The following SYMPK variants were observed in gnomAD, a reference collection of about 807,000 sequenced individuals.
The protein encoded by SYMPK is symplekin scaffold protein.
Under a neutral mutation model 136.4 loss-of-function variants are expected in SYMPK, and 49 were observed. The ratio of observed to expected loss-of-function variants is 0.36; its 90% CI spans 0.29 to 0.46. SYMPK has a LOEUF of 0.46. Among genes scored for constraint, SYMPK ranks in the 20% least tolerant of loss-of-function variants. The probability of loss-of-function intolerance (pLI) is 1.00; values close to 1 mark genes in which losing one functional copy is unlikely to be tolerated. For synonymous variants in SYMPK, 766 were observed against 713.0 expected (o/e 1.07, Z -1.19); for missense variants, 1,365 against 1,690.0 (o/e 0.81, Z 3.37).
At chr19:45,853,209 G>C (rs898082193) in intron 3 of SYMPK, among the ~76,000 whole-genome samples, 4 of 152,176 alleles carry the variant, frequency 2.6e-5, no homozygotes, top group African/African-American at 9.7e-5. Context: ...GGAGCCGAAC[G>C]GGTTCTCACA....
chr19:45,854,550 C>T, intron 1 of SYMPK, 43 bp from the exon 2 acceptor site: 2 of 1,541,706 alleles, frequency 1.3e-6, no homozygotes, highest in East Asian at 2.3e-5. Flanking sequence ...CTCAGGGAAC[C>T]AGCGGATGGG....
chr19:45,842,007 A>T (rs1281788620), intron 9 of SYMPK, among the ~76,000 whole-genome samples: 1 of 151,830 alleles, frequency 6.6e-6, no homozygotes, highest in Non-Finnish European at 1.5e-5. Flanking sequence ...TTATTTTATA[A>T]TTTTTTAAAA....
intron 22 of SYMPK, chr19:45,819,004 G>GC (rs55821606): frequency 0.25 from 38,264 of 151,336 alleles, 5,893 homozygotes; most frequent in Admixed American, 0.39. Flanking sequence ...GGTCTCTAAG[G>GC]GGGGGGGCGT....
Position 45,821,309 on chromosome 19 carries a change from G to T in SYMPK, c.2893+75C>A. 1 of 1,081,470 alleles carries T rather than the reference G, an allele frequency of 9.2e-7. No individual in the cohort carries two copies. Among genetic ancestry groups the T allele is most frequent in the Non-Finnish European group, 1.4e-6 (1 of 700,666 alleles). The allele number at this position is 1,081,470 out of a possible 1,614,324, so 67.0% of individuals were successfully genotyped here. On this transcript the variant is annotated intron_variant, in intron 22 of 26. Coordinates refer to ENST00000245934, the MANE Select transcript of SYMPK (RefSeq NM_004819.3). This position sits in a 1 kb window ranked among gnomAD's most constrained non-coding sequence, Gnocchi z 4.4. Reference sequence around the variant, plus strand: ...TCTTTGACTTGGCAGATTCCAGTGGGGGCATGTGGGTGACTGAGGTCCTGC... The same window carrying T: ...TCTTTGACTTGGCAGATTCCAGTGGTGGCATGTGGGTGACTGAGGTCCTGC...
chr19:45,817,081 C>A (rs937938275), intron 23 of SYMPK, 107 bp from the exon 24 acceptor site: 1 of 1,174,248 alleles, frequency 8.5e-7, no homozygotes, highest in Non-Finnish European at 1.2e-6. Context: ...TCCCACCATC[C>A]AAGATTCCTC....
At position 45,857,427 on chromosome 19, in the gene SYMPK, A is replaced by G. The variant is rs183563719; in HGVS notation, c.-12-2920T>C. 6.0e-5 allele frequency among the ~76,000 whole-genome samples: 9 copies of G among 150,856 alleles called. 1 individual carries two copies. Among genetic ancestry groups the G allele is most frequent in the African/African-American group, 2.2e-4 (9 of 41,098 alleles). On this transcript the variant is annotated intron_variant, in intron 1 of 26. Coordinates refer to ENST00000245934, the MANE Select transcript of SYMPK (RefSeq NM_004819.3). Reference sequence around the variant, plus strand: ...TCTGTCTCAAAAAAAAAAAAAAAAAAAAAAAAACACACACTAAACAAACAA... The same window carrying G: ...TCTGTCTCAAAAAAAAAAAAAAAAAGAAAAAAACACACACTAAACAAACAA...
intron 5 of SYMPK, among the ~76,000 whole-genome samples, chr19:45,849,121 T>C (rs540038909): frequency 5.3e-5 from 8 of 152,246 alleles, no homozygotes; most frequent in South Asian, 4.1e-4. Context: ...TAAGGGACAG[T>C]AGGGGCAGAC....
At chr19:45,823,165 G>C (rs1324018656) in intron 20 of SYMPK, among the ~76,000 whole-genome samples, 3 of 152,222 alleles carry the variant, frequency 2.0e-5, no homozygotes, top group Non-Finnish European at 4.4e-5. Context: ...GCACCCGGGT[G>C]CCCATGCAAA....
chr19:45,823,528 G>T (rs2146304893), intron 19 of SYMPK, 56 bp from the exon 20 acceptor site: 1 of 1,534,624 alleles, frequency 6.5e-7, no homozygotes, highest in South Asian at 1.1e-5. Flanking sequence ...CGTGGGAAAG[G>T]GTGGGCACCC....
intron 1 of SYMPK, chr19:45,862,045 A>G (rs1971979746): frequency 6.6e-6 from 1 of 152,106 alleles, no homozygotes; most frequent in South Asian, 2.1e-4. Flanking sequence ...AAAAAAAAAA[A>G]AAAAGAAAAA....
chr19:45,845,832 G>A (rs1458168887), intron 7 of SYMPK, among the ~76,000 whole-genome samples: 3 of 152,172 alleles, frequency 2.0e-5, no homozygotes, highest in Non-Finnish European at 4.4e-5. Flanking sequence ...GTGTACAAGT[G>A]TTTCCCTTTC....
At chr19:45,841,690 A>G (rs769954939) in intron 9 of SYMPK, among the ~76,000 whole-genome samples, 1 of 152,252 alleles carries the variant, frequency 6.6e-6, no homozygotes, top group Non-Finnish European at 1.5e-5. Flanking sequence ...AAGAAAAGCC[A>G]TAGTTGACAC....
intron 9 of SYMPK, among the ~76,000 whole-genome samples, chr19:45,841,833 A>AC (rs1395752780): frequency 6.6e-6 from 1 of 152,184 alleles, no homozygotes; most frequent in Non-Finnish European, 1.5e-5. Flanking sequence ...AGAAGTGTTC[A>AC]CACCTGGGGA....
At chr19:45,816,764 G>A in intron 24 of SYMPK, 34 bp downstream of exon 24, 2 of 1,500,218 alleles carry the variant, frequency 1.3e-6, no homozygotes, top group South Asian at 1.3e-5. Flanking sequence ...ACCCTGGGTG[G>A]GGGGAAAGGG....
At chr19:45,858,487 T>C (rs1431062198) in intron 1 of SYMPK, among the ~76,000 whole-genome samples, 1 of 152,100 alleles carries the variant, frequency 6.6e-6, no homozygotes, top group African/African-American at 2.4e-5. Context: ...CACTCACATG[T>C]CTCTGCAGTA....
intron 23 of SYMPK, chr19:45,817,241 G>A (rs1197361453): frequency 4.3e-6 from 2 of 463,458 alleles, no homozygotes; most frequent in Non-Finnish European, 7.6e-6. Context: ...CCCAGGCTAA[G>A]TGCTGCGGGA....
At chr19:45,840,664 TA>T (rs796378463) in intron 9 of SYMPK, among the ~76,000 whole-genome samples, 118 of 140,138 alleles carry the variant, frequency 8.4e-4, no homozygotes, top group East Asian at 1.2e-3. Flanking sequence ...ACTCCATCTT[TA>T]AAAAAAAAAA....
In SYMPK at chr19:45,823,875, T is replaced by C. The variant is rs775120784; in HGVS notation, c.2491A>G (p.Ile831Val). The C allele has an allele frequency of 3.1e-6, 5 of 1,612,914 alleles. No individual in the cohort carries two copies. The highest frequency in any genetic ancestry group is 8.5e-7 in the Non-Finnish European group (1 of 1,179,404). The change falls in exon 19 of 27, where the codon ATC becomes GTC. Residue 831 changes from isoleucine to valine, a missense_variant and splice_region_variant. By Grantham distance (29) the Ile-to-Val change is conservative. Transcript: ENST00000245934. Reference sequence around the variant, plus strand: ...GGGGAGTTCATGCCCATTCCTCGGATCTAGAGGCAGAGACAGGGATGACCA... The same window carrying C: ...GGGGAGTTCATGCCCATTCCTCGGACCTAGAGGCAGAGACAGGGATGACCA... ...RTVLRVIEQP[I>V]RGMGMNSPEL...
At chr19:45,828,630 A>T (rs1971100705) in intron 14 of SYMPK, 1 of 299,646 alleles carries the variant, frequency 3.3e-6, no homozygotes, top group African/African-American at 2.1e-5. Flanking sequence ...CAGGTAGTGA[A>T]TGGGGTGTAG....
Sources: allele counts gnomAD v4.1 joint callset (sites outside exome capture counted in the v4.1 genomes callset), GRCh38; gene constraint gnomAD v4.1.1; non-coding constraint Gnocchi (gnomAD v3.1); transcripts MANE v1.5; gene names NCBI Gene and HGNC (gene_info 2026-07-23, HGNC 2026-07-21).